The following WSCD2 variants were observed in gnomAD, a reference collection of about 807,000 sequenced individuals.
WSCD2 encodes the protein WSC domain sialate O sulfotransferase 2.
WSCD2 carries 28 observed loss-of-function variants against 55.7 expected under a neutral mutation model. The observed-to-expected ratio is 0.50, with a 90% confidence interval of 0.37 to 0.69. The LOEUF (loss-of-function observed/expected upper bound fraction) is 0.69. Among genes scored for constraint, WSCD2 ranks in the 30% least tolerant of loss-of-function variants. The pLI, the probability that WSCD2 is intolerant of heterozygous loss-of-function variation, is 0.00. For missense variants in WSCD2, 616 were observed against 762.1 expected (o/e 0.81, Z 2.26); for synonymous variants, 301 against 301.9 (o/e 1.00, Z 0.03).
At chr12:108,218,782 T>A (rs2137136582) in intron 4 of WSCD2, among the ~76,000 whole-genome samples, 1 of 152,212 alleles carries the variant, frequency 6.6e-6, no homozygotes, top group Admixed American at 6.5e-5. Flanking sequence ...GTATATGAGG[T>A]CCACTGTGAT....
At chr12:108,231,199 A>G (rs1888711618) in intron 6 of WSCD2, among the ~76,000 whole-genome samples, 1 of 152,078 alleles carries the variant, frequency 6.6e-6, no homozygotes, top group South Asian at 2.1e-4. Context: ...CTTCCCTTGG[A>G]TGATAAATAA....
intron 4 of WSCD2, among the ~76,000 whole-genome samples, chr12:108,211,648 T>TATAC (rs1038452329): frequency 6.8e-6 from 1 of 146,336 alleles, no homozygotes; most frequent in Non-Finnish European, 1.5e-5. Context: ...TATATATATA[T>TATAC]ATACATATAT....
At chr12:108,235,485 G>C (rs1026700733) in intron 7 of WSCD2, among the ~76,000 whole-genome samples, 3 of 152,120 alleles carry the variant, frequency 2.0e-5, no homozygotes, top group Non-Finnish European at 1.5e-5. Flanking sequence ...CCAGAGCCAA[G>C]ACCCCTGGCC....
rs148535269 is a variant in WSCD2, at chr12:108,139,860, G to A, written c.-552+9934G>A. 3.1e-3 allele frequency among the ~76,000 whole-genome samples: 477 copies of A among 152,260 alleles called. 3 individuals carry two copies. The highest frequency in any genetic ancestry group is 0.011 in the African/African-American group (456 of 41,548). ...TCTCACACTGGCTGAAGCCAGTGGC[G>A]AGTGAGCAGGAACCTAGCTCAGCAG... On this transcript the variant is annotated intron_variant, in intron 1 of 8. Transcript: ENST00000547525.
intron 6 of WSCD2, among the ~76,000 whole-genome samples, chr12:108,232,038 G>C (rs1161628751): frequency 6.6e-6 from 1 of 152,154 alleles, no homozygotes; most frequent in Admixed American, 6.5e-5. Context: ...ATGCATGAAG[G>C]CACTATGTCA....
At chr12:108,231,468 G>C (rs995926455) in intron 6 of WSCD2, among the ~76,000 whole-genome samples, 1 of 152,210 alleles carries the variant, frequency 6.6e-6, no homozygotes, top group African/African-American at 2.4e-5. Context: ...GCTCTGAAAA[G>C]CCAGAGAATC....
At position 108,170,468 on chromosome 12, in the gene WSCD2, G is replaced by T. The variant is rs189435745; in HGVS notation, c.-551-24814G>T. 6.2e-3 allele frequency among the ~76,000 whole-genome samples: 935 copies of T among 151,374 alleles called. 3 individuals carry two copies. The highest frequency in any genetic ancestry group is 0.02 in the African/African-American group (829 of 40,902). ...ACAATGATGATGATGATGATGATGA[G>T]AACAAAAATCTATCGCCCAGTACTC... On this transcript the variant is annotated intron_variant, in intron 1 of 8. Coordinates refer to ENST00000547525, the MANE Select transcript of WSCD2 (RefSeq NM_014653.4).
intron 1 of WSCD2, among the ~76,000 whole-genome samples, chr12:108,192,069 G>C (rs557126976): frequency 6.6e-6 from 1 of 152,334 alleles, no homozygotes; most frequent in East Asian, 1.9e-4. Context: ...GAGAGAGGCA[G>C]AAAGCCACAG....
At chr12:108,161,117 G>A (rs1005491065) in intron 1 of WSCD2, among the ~76,000 whole-genome samples, 11 of 152,140 alleles carry the variant, frequency 7.2e-5, no homozygotes, top group East Asian at 1.9e-4. Flanking sequence ...GTGACTTTAC[G>A]GGAGATTTTC....
intron 1 of WSCD2, among the ~76,000 whole-genome samples, chr12:108,140,185 C>T (rs1876641171): frequency 6.6e-6 from 1 of 152,168 alleles, no homozygotes; most frequent in African/African-American, 2.4e-5. Flanking sequence ...GCTGAGTGGC[C>T]TTGGGCTGTG....
At chr12:108,224,949 A>C (rs1338910113) in intron 5 of WSCD2, 89 bp downstream of exon 5, 2 of 1,534,766 alleles carry the variant, frequency 1.3e-6, no homozygotes, top group Non-Finnish European at 1.7e-6. Context: ...GAGAAGCAAC[A>C]GCTCAGTCGG....
At position 108,240,438 on chromosome 12, in the gene WSCD2, C is replaced by T; in HGVS notation, c.1239C>T (p.Ala413=). ...AGAAAGAGATCGAGGCCTTCGACGC[C>T]GCCATCCTGCTCATCCGCAACCCCT... is the stretch of plus-strand genomic sequence containing the variant. ...SGQKEIEAFD[A]AILLIRNPYK... is the part of the protein sequence containing the mutation. The change falls in exon 8 of 9, where the codon GCC becomes GCT. Residue 413 remains alanine (A), a synonymous_variant. Coordinates refer to ENST00000547525, the MANE Select transcript of WSCD2 (RefSeq NM_014653.4). 6.2e-7 allele frequency: 1 copy of T among 1,614,116 alleles called. No homozygotes were observed. The highest frequency in any genetic ancestry group is 8.5e-7 in the Non-Finnish European group (1 of 1,180,032).
chr12:108,147,272 T>G (rs1035126342), intron 1 of WSCD2, among the ~76,000 whole-genome samples: 14 of 152,058 alleles, frequency 9.2e-5, no homozygotes, highest in African/African-American at 3.4e-4. Flanking sequence ...GCATCTGACC[T>G]GAGCCACTCA....
Position 108,196,307 on chromosome 12 carries a change from T to C in WSCD2, c.382+93T>C, listed in dbSNP as rs1382730503. The C allele has an allele frequency of 4.1e-6, 6 of 1,448,762 alleles. No homozygotes were observed. The East Asian group carries it at 1.5e-4, about 36-fold the overall frequency. 89.7% of individuals were successfully genotyped at this position (1,448,762 alleles called of 1,614,324 possible). ...ACAGCTGTCAGTTTTCAGTGTTTAA[T>C]AGGAACCAGCTGTCATATCATTGTA... On this transcript the variant is annotated intron_variant, in intron 2 of 8. Coordinates refer to ENST00000547525, the MANE Select transcript of WSCD2 (RefSeq NM_014653.4).
intron 6 of WSCD2, among the ~76,000 whole-genome samples, chr12:108,231,105 T>A (rs1302830644): frequency 6.6e-6 from 1 of 152,068 alleles, no homozygotes; most frequent in Admixed American, 6.6e-5. Context: ...GGAGAACACA[T>A]ACATGAGCAG....
chr12:108,194,918 A>G (rs1883705743), intron 1 of WSCD2, among the ~76,000 whole-genome samples: 1 of 152,194 alleles, frequency 6.6e-6, no homozygotes, highest in Admixed American at 6.5e-5. Context: ...GGACCTTGAA[A>G]GTACTTTTCA....
intron 8 of WSCD2, among the ~76,000 whole-genome samples, chr12:108,241,939 A>G (rs1889778618): frequency 6.6e-6 from 1 of 152,236 alleles, no homozygotes; most frequent in Non-Finnish European, 1.5e-5. Flanking sequence ...ATTTGAACTC[A>G]GGGAATCTTG....
chr12:108,163,946 C>G (rs533708129), intron 1 of WSCD2, among the ~76,000 whole-genome samples: 3 of 151,930 alleles, frequency 2.0e-5, no homozygotes, highest in African/African-American at 7.2e-5. Flanking sequence ...AGGAAAGATA[C>G]TAAAAGAATA....
chr12:108,175,828 T>TTTTTCTTTTC, intron 1 of WSCD2, among the ~76,000 whole-genome samples: 1 of 152,236 alleles, frequency 6.6e-6, no homozygotes, highest in African/African-American at 2.4e-5. Context: ...TTACATGGCA[T>TTTTTCTTTTC]TTTTCTTTTC....
Sources: gnomAD v4.1 joint callset for allele counts (sites outside exome capture counted in the v4.1 genomes callset) on GRCh38, gnomAD v4.1.1 for gene constraint, MANE v1.5 for transcripts, NCBI Gene and HGNC (gene_info 2026-07-23, HGNC 2026-07-21) for gene names.